The following WSB2 variants were observed in gnomAD, a reference collection of about 807,000 sequenced individuals.
The protein encoded by WSB2 is WD repeat and SOCS box-containing protein 2.
A neutral mutation model predicts 48.8 loss-of-function variants in WSB2; 12 were observed. That is an observed-to-expected ratio of 0.25 (90% CI 0.16 to 0.40). WSB2 has a LOEUF of 0.40. Ranked by LOEUF, WSB2 falls within the 10% of genes least tolerant of loss-of-function variation. The pLI, the probability that WSB2 is intolerant of heterozygous loss-of-function variation, is 1.00. For missense variants in WSB2, 317 were observed against 506.2 expected, an observed-to-expected ratio of 0.63 and a Z score of 3.59; for synonymous variants, 191 against 203.1, an observed-to-expected ratio of 0.94 and a Z score of 0.51.
chr12:118,037,625 G>A (rs1443501623), intron 5 of WSB2, among the ~76,000 whole-genome samples: 3 of 150,378 alleles, frequency 2.0e-5, no homozygotes, highest in South Asian at 4.2e-4. Flanking sequence ...CCGAGATTGC[G>A]TCATTGCACT....
chr12:118,054,539 G>A (rs1054281356), intron 1 of WSB2, among the ~76,000 whole-genome samples: 9 of 151,996 alleles, frequency 5.9e-5, no homozygotes, highest in East Asian at 5.8e-4. Context: ...GCTTGGTGGC[G>A]CATGCCTGTA....
chr12:118,043,323 C>G lies in WSB2; in HGVS notation c.237G>C (p.Gly79=). The change falls in exon 3 of 9, where the codon GGG becomes GGC. Residue 79 remains glycine, a synonymous_variant. Coordinates refer to ENST00000315436, the MANE Select transcript of WSB2 (RefSeq NM_018639.5). ...KSRSSKNETK[G]RGSPKEKTLD... ...GCGTCTTCTCTTTTGGGCTGCCCCGCCCTTTCGTCTCATTTTTGCTACTTC... is the reference window on the plus strand; with the variant it reads ...GCGTCTTCTCTTTTGGGCTGCCCCGGCCTTTCGTCTCATTTTTGCTACTTC... The G allele has an allele frequency of 6.2e-7, 1 of 1,602,144 alleles. No individual in the cohort carries two copies. The highest frequency in any genetic ancestry group is 1.7e-5 in the Admixed American group (1 of 57,628).
chr12:118,033,197 G>T lies in WSB2; in HGVS notation c.*999C>A, dbSNP rs1481910491. ...CACTGAAGGAGAACAGTACTTTTAA[G>T]GAGCTATTTTTGTTTCGCAGTAGAG... On this transcript the variant is annotated 3_prime_UTR_variant, in exon 9 of 9. Coordinates refer to ENST00000315436, the MANE Select transcript of WSB2 (RefSeq NM_018639.5). 6.6e-6 allele frequency: 1 copy of T among 152,174 alleles called. No homozygotes were observed. The highest frequency in any genetic ancestry group is 2.4e-5 in the African/African-American group (1 of 41,420). 9.4% of individuals were successfully genotyped at this position (152,174 alleles called of 1,614,324 possible). A position where few individuals can be genotyped will look rare whatever the true frequency, so the allele number is the denominator to read the frequency against.
At chr12:118,057,921 ATTT>A (rs766442233) in intron 1 of WSB2, among the ~76,000 whole-genome samples, 10 of 143,770 alleles carry the variant, frequency 7.0e-5, no homozygotes, top group African/African-American at 2.3e-4. Flanking sequence ...CACACTCAGC[ATTT>A]TTTTTTTTTT....
At chr12:118,036,721 C>T (rs2031519738) in intron 5 of WSB2, among the ~76,000 whole-genome samples, 1 of 152,136 alleles carries the variant, frequency 6.6e-6, no homozygotes, top group Non-Finnish European at 1.5e-5. Context: ...TGGGCATGCT[C>T]AAGGAGCTCA....
chr12:118,033,968 G>T lies in WSB2; in HGVS notation c.*228C>A, dbSNP rs767191250. ...AACTGGACTGAAAATTTAACGTAAG[G>T]CTCTGTTGCCGTGCAAGTGGAATCT... is the stretch of plus-strand genomic sequence containing the variant. On this transcript the variant is annotated 3_prime_UTR_variant, in exon 9 of 9. Transcript: ENST00000315436. 2 of 559,852 alleles carry T rather than the reference G, an allele frequency of 3.6e-6. No individual in the cohort carries two copies. The highest frequency in any genetic ancestry group is 6.3e-6 in the Non-Finnish European group (2 of 316,970). 34.7% of individuals were successfully genotyped at this position (559,852 alleles called of 1,614,324 possible). A position where few individuals can be genotyped will look rare whatever the true frequency, so the allele number is the denominator to read the frequency against.
chr12:118,033,651 T>C lies in WSB2; in HGVS notation c.*545A>G, dbSNP rs1566134146. ...AGCTAAATTAATACCTCATACCAAATGGCTCCAGGAAAACTGTCCTGCAGG... is the reference window on the plus strand; with the variant it reads ...AGCTAAATTAATACCTCATACCAAACGGCTCCAGGAAAACTGTCCTGCAGG... On this transcript the variant is annotated 3_prime_UTR_variant, in exon 9 of 9. Coordinates refer to ENST00000315436, the MANE Select transcript of WSB2 (RefSeq NM_018639.5). The C allele has an allele frequency of 1.3e-5, 2 of 151,750 alleles. No homozygotes were observed. Among genetic ancestry groups the C allele is most frequent in the East Asian group, 3.9e-4 (2 of 5,162 alleles). 9.4% of individuals were successfully genotyped at this position (151,750 alleles called of 1,614,324 possible).
At position 118,060,985 on chromosome 12, in the gene WSB2, A is replaced by T; in HGVS notation, c.13+51T>A. The T allele has an allele frequency of 2.6e-6, 2 of 771,946 alleles. No individual in the cohort carries two copies. The highest frequency in any genetic ancestry group is 3.1e-6 in the Non-Finnish European group (2 of 638,960). The allele number at this position is 771,946 out of a possible 1,614,324, so 47.8% of individuals were successfully genotyped here. A position where few individuals can be genotyped will look rare whatever the true frequency, so the allele number is the denominator to read the frequency against. ...GGTCGCCTCCCCCCTCCCCGGGGAGAACGGGCCAGGGCCCCGCCGGGCGGG... is the reference window on the plus strand; with the variant it reads ...GGTCGCCTCCCCCCTCCCCGGGGAGTACGGGCCAGGGCCCCGCCGGGCGGG... On this transcript the variant is annotated intron_variant, in intron 1 of 8. Coordinates refer to ENST00000315436, the MANE Select transcript of WSB2 (RefSeq NM_018639.5). This position sits in a 1 kb window ranked among gnomAD's most constrained non-coding sequence, Gnocchi z 4.1.
Position 118,042,688 on chromosome 12 carries a change from G to T in WSB2, c.559+153C>A, listed in dbSNP as rs539649431. Reference sequence around the variant, plus strand: ...TATTATCTTTGGGGCGGGCAGGGGCGATTAGGAAAAAACTGTCTAAAAGGC... The same window carrying T: ...TATTATCTTTGGGGCGGGCAGGGGCTATTAGGAAAAAACTGTCTAAAAGGC... On this transcript the variant is annotated intron_variant, in intron 4 of 8. Coordinates refer to ENST00000315436, the MANE Select transcript of WSB2 (RefSeq NM_018639.5). 162 of 1,234,424 alleles carry T rather than the reference G, an allele frequency of 1.3e-4. No individual in the cohort carries two copies. In the South Asian group the frequency reaches 2.3e-3, roughly 18 times the overall value. The allele number at this position is 1,234,424 out of a possible 1,614,324, so 76.5% of individuals were successfully genotyped here. A position where few individuals can be genotyped will look rare whatever the true frequency, so the allele number is the denominator to read the frequency against.
At chr12:118,054,989 G>A (rs1220040852) in intron 1 of WSB2, among the ~76,000 whole-genome samples, 2 of 147,712 alleles carry the variant, frequency 1.4e-5, no homozygotes, top group African/African-American at 5.0e-5. Flanking sequence ...GACCAGCCTG[G>A]TCAACATGGT....
rs1418302376 is a variant in WSB2, at chr12:118,057,343, C to T, written c.13+3693G>A. Among the ~76,000 whole-genome samples, 3 of 151,944 alleles carry T rather than the reference C, an allele frequency of 2.0e-5. No homozygotes were observed. In the East Asian group the frequency reaches 5.8e-4, roughly 29 times the overall value. On this transcript the variant is annotated intron_variant, in intron 1 of 8. Transcript: ENST00000315436. ...AGGCTGGAGTGCAGTGGCGCCATCT[C>T]GGCTCATTGCAACCTCCGCCCCCTG... is the stretch of plus-strand genomic sequence containing the variant.
rs76419610 is a variant in WSB2, at chr12:118,035,188, C to G, written c.944+26G>C. On this transcript the variant is annotated intron_variant, in intron 7 of 8. Coordinates refer to ENST00000315436, the MANE Select transcript of WSB2 (RefSeq NM_018639.5). ...TACTTGCAAGCACTTGTTCTGAGGC[C>G]ATGTAAAGAGAGTTCTCTTCGTTAC... 2,152 of 1,613,680 alleles carry G rather than the reference C, an allele frequency of 1.3e-3. 33 individuals are homozygous for G. In the African/African-American group the frequency reaches 0.025, roughly 19 times the overall value.
At chr12:118,042,522 C>CA (rs1361272927) in intron 4 of WSB2, 9 of 251,330 alleles carry the variant, frequency 3.6e-5, no homozygotes, top group Non-Finnish European at 6.9e-5. Flanking sequence ...TCTTGGTAGC[C>CA]AAAAAAATCT....
intron 6 of WSB2, 182 bp downstream of exon 6, chr12:118,036,156 T>G (rs577001777): frequency 1.5e-6 from 1 of 653,472 alleles, no homozygotes; most frequent in East Asian, 3.0e-5. Context: ...GATCCAAGAT[T>G]GCGCCACTGC....
intron 1 of WSB2, among the ~76,000 whole-genome samples, chr12:118,056,326 C>T (rs375700459): frequency 2.6e-5 from 4 of 152,282 alleles, no homozygotes; most frequent in East Asian, 3.9e-4. Context: ...TGCCTCTCCT[C>T]GGCTGGCATC....
chr12:118,047,040 G>A (rs767317293), intron 2 of WSB2, among the ~76,000 whole-genome samples: 1 of 152,170 alleles, frequency 6.6e-6, no homozygotes, highest in Non-Finnish European at 1.5e-5. Flanking sequence ...CCAAAGTGCT[G>A]AGATTACAGG....
At chr12:118,062,102 C>G (rs2032082846), upstream of WSB2, 1 of 1,535,136 alleles carries the variant, frequency 6.5e-7, no homozygotes, top group African/African-American at 1.4e-5. Context: ...TACCTACCTA[C>G]GGCGACAGCC....
chr12:118,036,615 G>A, intron 5 of WSB2, 105 bp from the exon 6 acceptor site: 1 of 1,227,320 alleles, frequency 8.1e-7, no homozygotes, highest in Non-Finnish European at 1.1e-6. Flanking sequence ...CCTGCAGCCA[G>A]GGCTGATTCT....
chr12:118,043,494 G>T lies in WSB2; in HGVS notation c.183-117C>A, dbSNP rs59271270. The T allele has an allele frequency of 4.5e-3, 6,606 of 1,453,944 alleles. 271 individuals carry two copies. In the African/African-American group the frequency reaches 0.085, roughly 19 times the overall value. 90.1% of individuals were successfully genotyped at this position (1,453,944 alleles called of 1,614,324 possible). On this transcript the variant is annotated intron_variant, in intron 2 of 8. Transcript: ENST00000315436. ...AGGGAAGGGTCTGTCACCCAAGCTG[G>T]CGTACAGTGACACAATCATGGCTCA...
Sources: allele counts gnomAD v4.1 joint callset (sites outside exome capture counted in the v4.1 genomes callset), GRCh38; gene constraint gnomAD v4.1.1; non-coding constraint Gnocchi (gnomAD v3.1); transcripts MANE v1.5; gene names NCBI Gene and HGNC (gene_info 2026-07-23, HGNC 2026-07-21).